The following STAT4 variants were observed in gnomAD, a reference collection of about 807,000 sequenced individuals.
STAT4 encodes the protein signal transducer and activator of transcription 4.
STAT4 carries 42 observed loss-of-function variants against 110.5 expected under a neutral mutation model. That is an observed-to-expected ratio of 0.38 (90% CI 0.30 to 0.49). STAT4 has a LOEUF of 0.49. Ranked by LOEUF, STAT4 falls within the 20% of genes least tolerant of loss-of-function variation. The pLI is 0.95. For synonymous variants in STAT4, 284 were observed against 302.2 expected, an observed-to-expected ratio of 0.94 and a Z score of 0.63; for missense variants, 632 against 887.9, an observed-to-expected ratio of 0.71 and a Z score of 3.66.
intron 3 of STAT4, among the ~76,000 whole-genome samples, chr2:191,081,657 T>C (rs550955333): frequency 1.3e-5 from 2 of 152,336 alleles, no homozygotes; most frequent in South Asian, 4.1e-4. Flanking sequence ...GAAGTGTCTG[T>C]TCATATCCTT....
At chr2:191,073,297 A>T in intron 4 of STAT4, 107 bp from the exon 5 acceptor site, 1 of 826,952 alleles carries the variant, frequency 1.2e-6, no homozygotes, top group Non-Finnish European at 2.0e-6. Flanking sequence ...TGTGATATGG[A>T]TACTCTATAG....
intron 14 of STAT4, among the ~76,000 whole-genome samples, chr2:191,044,687 A>G (rs1167431417): frequency 6.6e-6 from 1 of 152,174 alleles, no homozygotes; most frequent in African/African-American, 2.4e-5. Context: ...CAATTGCACA[A>G]CAGGATCAGA....
At chr2:191,124,797 T>C (rs926449260) in intron 3 of STAT4, among the ~76,000 whole-genome samples, 1 of 152,224 alleles carries the variant, frequency 6.6e-6, no homozygotes, top group Non-Finnish European at 1.5e-5. Context: ...ATGTCAATTC[T>C]TTCACCAAAT....
Position 191,046,573 on chromosome 2 carries a change from G to A in STAT4, c.1252-5425C>T, listed in dbSNP as rs985157644. On this transcript the variant is annotated intron_variant, in intron 14 of 23. Coordinates refer to ENST00000392320, the MANE Select transcript of STAT4 (RefSeq NM_003151.4). This position sits in a 1 kb window ranked among gnomAD's most constrained non-coding sequence, Gnocchi z 4.6. ...AATTCTGGGGTCCTGGATTCTGGGT[G>A]AGCACATTGCCTTAACCCCACAGAA... 3.9e-5 allele frequency among the ~76,000 whole-genome samples: 6 copies of A among 152,194 alleles called. No individual in the cohort carries two copies. The highest frequency in any genetic ancestry group is 8.8e-5 in the Non-Finnish European group (6 of 68,036).
intron 3 of STAT4, among the ~76,000 whole-genome samples, chr2:191,132,060 C>T (rs1009320302): frequency 2.6e-5 from 4 of 151,660 alleles, no homozygotes; most frequent in Non-Finnish European, 4.4e-5. Flanking sequence ...TCTTAAGAAA[C>T]GAGGGACTTT....
chr2:191,136,319 A>G (rs1056684170), intron 3 of STAT4, among the ~76,000 whole-genome samples: 6 of 152,244 alleles, frequency 3.9e-5, no homozygotes, highest in African/African-American at 1.4e-4. Context: ...CTTTTCTCTG[A>G]GAGCTCTGAG....
chr2:191,122,715 A>G (rs939733218), intron 3 of STAT4, among the ~76,000 whole-genome samples: 3 of 152,272 alleles, frequency 2.0e-5, no homozygotes, highest in Non-Finnish European at 4.4e-5. Flanking sequence ...ATTAAACAGC[A>G]TGGATAAATC....
At position 191,121,856 on chromosome 2, in the gene STAT4, A is replaced by G. The variant is rs572224137; in HGVS notation, c.273+24757T>C. ...GACGAGTTAACGGGTGCAGCACACC[A>G]ACATGGCACATGTATACATATGTAA... is the stretch of plus-strand genomic sequence containing the variant. On this transcript the variant is annotated intron_variant, in intron 3 of 23. Coordinates refer to ENST00000392320, the MANE Select transcript of STAT4 (RefSeq NM_003151.4). The G allele has an allele frequency of 3.3e-5, 5 of 152,168 alleles. 1 individual carries two copies. The highest frequency in any genetic ancestry group is 9.6e-5 in the African/African-American group (4 of 41,494). The allele number at this position is 152,168 out of a possible 1,614,324, so 9.4% of individuals were successfully genotyped here.
At position 191,108,267 on chromosome 2, in the gene STAT4, G is replaced by A. The variant is rs561068867; in HGVS notation, c.274-31942C>T. On this transcript the variant is annotated intron_variant, in intron 3 of 23. Transcript: ENST00000392320. ...GATCGCGCCACTACGCTCCAGCCTG[G>A]GTGACAGATTGAAACTCTATCTCAA... Among the ~76,000 whole-genome samples, 4 of 151,160 alleles carry A rather than the reference G, an allele frequency of 2.6e-5. No individual in the cohort carries two copies. The South Asian group carries it at 8.4e-4, about 32-fold the overall frequency.
In STAT4 at chr2:191,136,683, G is replaced by A. The variant is rs529915334; in HGVS notation, c.273+9930C>T. 2.2e-3 allele frequency among the ~76,000 whole-genome samples: 334 copies of A among 151,804 alleles called. 1 individual carries two copies. Among genetic ancestry groups the A allele is most frequent in the African/African-American group, 7.2e-3 (299 of 41,378 alleles). On this transcript the variant is annotated intron_variant, in intron 3 of 23. Transcript: ENST00000392320. ...GGAGAATTGCTTGAACCTGGGAGGC[G>A]CAGGTTGCAGTGGGCCAAGATCACA...
intron 3 of STAT4, among the ~76,000 whole-genome samples, chr2:191,100,200 C>T (rs1279813457): frequency 6.6e-6 from 1 of 152,142 alleles, no homozygotes; most frequent in East Asian, 1.9e-4. Context: ...CGAAGCAACT[C>T]TCAAAGTGTC....
intron 3 of STAT4, among the ~76,000 whole-genome samples, chr2:191,145,090 A>G (rs139345652): frequency 2.2e-3 from 335 of 152,294 alleles, no homozygotes; most frequent in African/African-American, 7.6e-3. Context: ...TGATATACAT[A>G]TATATCATAT....
In STAT4 at chr2:191,107,905, G is replaced by T. The variant is rs1698323591; in HGVS notation, c.274-31580C>A. 6.6e-6 allele frequency among the ~76,000 whole-genome samples: 1 copy of T among 152,132 alleles called. No individual in the cohort carries two copies. On this transcript the variant is annotated intron_variant, in intron 3 of 23. Coordinates refer to ENST00000392320, the MANE Select transcript of STAT4 (RefSeq NM_003151.4). The surrounding 1 kb of genome is among the most constrained non-coding windows in gnomAD (Gnocchi z 4.2). ...GTTTCTACAGAACATTTCTTTCATT[G>T]ATGCCCATATTTTACAAAATGGAGT...
intron 3 of STAT4, among the ~76,000 whole-genome samples, chr2:191,109,273 C>A (rs530390710): frequency 4.3e-4 from 66 of 151,942 alleles, no homozygotes; most frequent in African/African-American, 1.5e-3. Context: ...AATATAATGA[C>A]AGGTTTTTTG....
At chr2:191,149,252 C>CA in intron 1 of STAT4, among the ~76,000 whole-genome samples, 1 of 152,210 alleles carries the variant, frequency 6.6e-6, no homozygotes, top group African/African-American at 2.4e-5. Flanking sequence ...TATAGAACAC[C>CA]AGGGTAATTT....
In STAT4 at chr2:191,058,431, G is replaced by C. The variant is rs1329661505; in HGVS notation, c.1095-212C>G. 6.6e-6 allele frequency among the ~76,000 whole-genome samples: 1 copy of C among 152,112 alleles called. No homozygotes were observed. The highest frequency in any genetic ancestry group is 1.9e-4 in the East Asian group (1 of 5,196). The stretch of plus-strand genomic sequence containing the variant: ...TCCTGCCTCAGCCTCCTGAGTAGCT[G>C]GGATTACAGGCATGAGCCGCCGCAC... On this transcript the variant is annotated intron_variant, in intron 11 of 23. Coordinates refer to ENST00000392320, the MANE Select transcript of STAT4 (RefSeq NM_003151.4). The surrounding 1 kb of genome is among the most constrained non-coding windows in gnomAD (Gnocchi z 4.3).
chr2:191,047,065 T>A (rs2125181666), intron 14 of STAT4, among the ~76,000 whole-genome samples: 1 of 152,294 alleles, frequency 6.6e-6, no homozygotes, highest in South Asian at 2.1e-4. Context: ...GGTGATCAAC[T>A]TTGTAATGAA....
chr2:191,078,625 C>T (rs893972840), intron 3 of STAT4, among the ~76,000 whole-genome samples: 4 of 152,066 alleles, frequency 2.6e-5, no homozygotes, highest in Non-Finnish European at 4.4e-5. Flanking sequence ...TTACTAAGTA[C>T]GTGAACCTCA....
rs1261380272 is a variant in STAT4, at chr2:191,051,842, TG to T, written c.1251+2647del. On this transcript the variant is annotated intron_variant, in intron 14 of 23. Transcript: ENST00000392320. The surrounding 1 kb of genome is among the most constrained non-coding windows in gnomAD (Gnocchi z 5.6). ...CTGCCATCAACTGCCCCCACTATCT[TG>T]AGTAAGCTGTGTGACCACTCTGTGC... Among the ~76,000 whole-genome samples, 1 of 152,206 alleles carries T rather than the reference TG, an allele frequency of 6.6e-6. No individual in the cohort carries two copies. Among genetic ancestry groups the T allele is most frequent in the Non-Finnish European group, 1.5e-5 (1 of 68,020 alleles).
Sources: gnomAD v4.1 joint callset for allele counts (sites outside exome capture counted in the v4.1 genomes callset) on GRCh38, gnomAD v4.1.1 for gene constraint, Gnocchi (gnomAD v3.1) non-coding constraint, MANE v1.5 for transcripts, NCBI Gene and HGNC (gene_info 2026-07-23, HGNC 2026-07-21) for gene names.